CPLX2: variants seen among roughly 807,000 people sequenced by gnomAD.
The protein encoded by CPLX2 is complexin 2.
In CPLX2, 5 loss-of-function variants were observed where a neutral mutation model predicts 16.3. The observed-to-expected ratio is 0.31, with a 90% CI of 0.16 to 0.64. CPLX2 has a LOEUF of 0.64. Among genes scored for constraint, CPLX2 ranks in the 30% least tolerant of loss-of-function variants. CPLX2 has a pLI of 0.79. For missense variants in CPLX2, 144 were observed against 181.4 expected, an observed-to-expected ratio of 0.79 and a Z score of 1.18; for synonymous variants, 89 against 73.2, an observed-to-expected ratio of 1.22 and a Z score of -1.10.
intron 1 of CPLX2, among the ~76,000 whole-genome samples, chr5:175,807,853 G>C (rs7710632): frequency 0.79 from 119,921 of 152,182 alleles, 47,374 homozygotes; most frequent in East Asian, 0.9. Context: ...AGGAGGTAAC[G>C]GTGCCTGGAG....
chr5:175,854,175 C>A (rs557197339), intron 2 of CPLX2, among the ~76,000 whole-genome samples: 12 of 152,346 alleles, frequency 7.9e-5, no homozygotes, highest in Admixed American at 6.5e-4. Context: ...GAGGCCCCCA[C>A]TTCTCACAGC....
chr5:175,808,957 C>CT (rs1758262113), intron 1 of CPLX2: 1 of 152,464 alleles, frequency 6.6e-6, no homozygotes, highest in Non-Finnish European at 1.5e-5. Context: ...AAGCTCTCTC[C>CT]TTAGCCCTCA....
At chr5:175,817,858 G>T (rs967405901) in intron 2 of CPLX2, among the ~76,000 whole-genome samples, 1 of 152,196 alleles carries the variant, frequency 6.6e-6, no homozygotes, top group African/African-American at 2.4e-5. Context: ...ATCAGGACTG[G>T]GGACATGTGT....
intron 2 of CPLX2, among the ~76,000 whole-genome samples, chr5:175,854,280 G>C (rs371536994): frequency 6.6e-6 from 1 of 152,218 alleles, no homozygotes; most frequent in African/African-American, 2.4e-5. Context: ...TCGTTTGCTG[G>C]ATCAATCTTA....
chr5:175,866,253 G>T (rs1380795025), intron 2 of CPLX2, among the ~76,000 whole-genome samples: 1 of 152,230 alleles, frequency 6.6e-6, no homozygotes, highest in Non-Finnish European at 1.5e-5. Context: ...GCTAGCTCTA[G>T]GGAGAGGCCA....
chr5:175,867,074 C>G (rs1465235451), upstream of CPLX2, among the ~76,000 whole-genome samples: 1 of 152,006 alleles, frequency 6.6e-6, no homozygotes, highest in African/African-American at 2.4e-5. Context: ...GACCCTGTAT[C>G]TAAAAAAATA....
At chr5:175,876,927 G>C (rs1430133487) in intron 1 of CPLX2, among the ~76,000 whole-genome samples, 1 of 152,200 alleles carries the variant, frequency 6.6e-6, no homozygotes, top group Admixed American at 6.5e-5. Flanking sequence ...GGTTAGGAGG[G>C]TGGGTTCTCT....
Position 175,809,653 on chromosome 5 carries a change from C to A in CPLX2, c.-89+585C>A, listed in dbSNP as rs1224622018. Among the ~76,000 whole-genome samples the A allele has an allele frequency of 6.6e-6, 1 of 152,056 alleles. No homozygotes were observed. Among genetic ancestry groups the A allele is most frequent in the Admixed American group, 6.6e-5 (1 of 15,254 alleles). ...CCCCCTCCCCAGCCCAGGATCCCAACCATCTTATGGGTGGAGGAGTCAACC... is the reference window on the plus strand; with the variant it reads ...CCCCCTCCCCAGCCCAGGATCCCAAACATCTTATGGGTGGAGGAGTCAACC... On this transcript the variant is annotated intron_variant, in intron 2 of 4. Transcript: ENST00000359546. This position sits in a 1 kb window ranked among gnomAD's most constrained non-coding sequence, Gnocchi z 4.4.
intron 3 of CPLX2, 116 bp downstream of exon 3, chr5:175,879,199 G>A (rs1755507130): frequency 9.0e-7 from 1 of 1,115,690 alleles, no homozygotes; most frequent in Non-Finnish European, 1.3e-6. Flanking sequence ...CCCTAGTTCT[G>A]AGCCTCACTC....
chr5:175,802,645 G>A (rs7711843), intron 1 of CPLX2, among the ~76,000 whole-genome samples: 59,362 of 151,810 alleles, frequency 0.39, 12,670 homozygotes, highest in East Asian at 0.75. Flanking sequence ...GTAGGGCATG[G>A]GGCCAGGTGC....
intron 1 of CPLX2, among the ~76,000 whole-genome samples, chr5:175,875,986 G>A (rs971117961): frequency 1.3e-5 from 2 of 152,078 alleles, no homozygotes; most frequent in African/African-American, 4.8e-5. Flanking sequence ...GCAAGCAGAG[G>A]TGGCCGGAGA....
rs531894718 is a variant in CPLX2, at chr5:175,804,901, T to A, written c.-168-4088T>A. Among the ~76,000 whole-genome samples the A allele has an allele frequency of 2.0e-5, 3 of 152,340 alleles. No homozygotes were observed. The East Asian group carries it at 5.8e-4, about 29-fold the overall frequency. On this transcript the variant is annotated intron_variant, in intron 1 of 4. Coordinates refer to the CPLX2 transcript ENST00000359546. The stretch of plus-strand genomic sequence containing the variant: ...GATCCTGAGGTGGACACCTCATGCA[T>A]TTTAAACCAGCAAGTTTTGAAGCGA...
At chr5:175,856,216 T>A (rs73328319) in intron 2 of CPLX2, among the ~76,000 whole-genome samples, 1 of 152,332 alleles carries the variant, frequency 6.6e-6, no homozygotes, top group African/African-American at 2.4e-5. Flanking sequence ...ACTTACCTCA[T>A]AAGGTGGTTG....
At chr5:175,844,037 G>A (rs1017695376) in intron 2 of CPLX2, among the ~76,000 whole-genome samples, 3 of 152,238 alleles carry the variant, frequency 2.0e-5, no homozygotes, top group Admixed American at 1.3e-4. Flanking sequence ...ACCCAGAAAT[G>A]ACCCTTGAGC....
At chr5:175,854,190 C>T (rs1240671469) in intron 2 of CPLX2, among the ~76,000 whole-genome samples, 1 of 152,210 alleles carries the variant, frequency 6.6e-6, no homozygotes, top group African/African-American at 2.4e-5. Flanking sequence ...CACAGCTCCT[C>T]CTTCCTTTGA....
chr5:175,828,802 T>A (rs1046897592), intron 2 of CPLX2, among the ~76,000 whole-genome samples: 14 of 152,150 alleles, frequency 9.2e-5, no homozygotes, highest in Non-Finnish European at 1.8e-4. Flanking sequence ...GCCCCGTGCA[T>A]ATTTCGAGGC....
chr5:175,853,606 G>A (rs920199969), intron 2 of CPLX2, among the ~76,000 whole-genome samples: 19 of 152,302 alleles, frequency 1.2e-4, no homozygotes, highest in African/African-American at 3.8e-4. Flanking sequence ...AGAGTCTCTC[G>A]GAGGTAAAAT....
At chr5:175,870,116 T>C (rs112374809), upstream of CPLX2, among the ~76,000 whole-genome samples, 42 of 152,286 alleles carry the variant, frequency 2.8e-4, no homozygotes, top group African/African-American at 9.6e-4. Context: ...CCCCTCTTAG[T>C]ATCTGCCCTA....
intron 2 of CPLX2, among the ~76,000 whole-genome samples, chr5:175,816,840 C>T (rs977251498): frequency 1.3e-5 from 2 of 152,254 alleles, no homozygotes; most frequent in Non-Finnish European, 2.9e-5. Context: ...TTTCATTAAC[C>T]TGAGCTTTCC....
Sources: allele counts gnomAD v4.1 joint callset (sites outside exome capture counted in the v4.1 genomes callset), GRCh38; gene constraint gnomAD v4.1.1; non-coding constraint Gnocchi (gnomAD v3.1); transcripts MANE v1.5; gene names NCBI Gene and HGNC (gene_info 2026-07-23, HGNC 2026-07-21).